Variants in PCDH15 observed in about 807,000 individuals in gnomAD.
PCDH15 encodes the protein protocadherin-15.
A neutral mutation model predicts 178.5 loss-of-function variants in PCDH15; 129 were observed. The ratio of observed to expected loss-of-function variants is 0.72; its 90% confidence interval spans 0.63 to 0.84. The LOEUF is 0.84. Ranked by LOEUF, PCDH15 falls within the 40% of genes least tolerant of loss-of-function variation. PCDH15 has a pLI of 0.00. For synonymous variants in PCDH15, 800 were observed against 732.0 expected, an observed-to-expected ratio of 1.09 and a Z score of -1.50; for missense variants, 2,230 against 2,099.9, an observed-to-expected ratio of 1.06 and a Z score of -1.21.
At chr10:54,177,289 G>A (rs2047530912) in intron 13 of PCDH15, among the ~76,000 whole-genome samples, 1 of 152,050 alleles carries the variant, frequency 6.6e-6, no homozygotes, top group South Asian at 2.1e-4. Context: ...CAAGGGGGAG[G>A]GAAGCATAGG....
At chr10:55,580,212 T>A (rs574469481) in intron 2 of PCDH15, among the ~76,000 whole-genome samples, 1 of 152,300 alleles carries the variant, frequency 6.6e-6, no homozygotes, top group South Asian at 2.1e-4. Flanking sequence ...CATTTTGTTA[T>A]ATACTTCATT....
At chr10:53,845,162 C>G (rs1440402226) in intron 28 of PCDH15, among the ~76,000 whole-genome samples, 1 of 151,710 alleles carries the variant, frequency 6.6e-6, no homozygotes, top group Non-Finnish European at 1.5e-5. Context: ...ATCAAAATCA[C>G]AATGAAATAT....
intron 14 of PCDH15, among the ~76,000 whole-genome samples, chr10:54,145,110 G>T (rs1208616332): frequency 1.3e-5 from 2 of 152,058 alleles, no homozygotes; most frequent in East Asian, 3.9e-4. Context: ...AACACTTATT[G>T]TAAGAATAAC....
chr10:54,587,146 A>G (rs944592621), intron 2 of PCDH15, among the ~76,000 whole-genome samples: 1 of 152,212 alleles, frequency 6.6e-6, no homozygotes, highest in African/African-American at 2.4e-5. Context: ...ATCAGTGACC[A>G]TTGGCATCAT....
intron 3 of PCDH15, among the ~76,000 whole-genome samples, chr10:54,523,151 T>A (rs1384025845): frequency 6.6e-6 from 1 of 152,190 alleles, no homozygotes; most frequent in Non-Finnish European, 1.5e-5. Context: ...CAAGGATTAC[T>A]GTATGACAAA....
chr10:55,527,495 A>T (rs1437284894), intron 2 of PCDH15, among the ~76,000 whole-genome samples: 1 of 152,048 alleles, frequency 6.6e-6, no homozygotes, highest in Admixed American at 6.6e-5. Context: ...GGATGACTTC[A>T]TCTTAAGGAA....
chr10:55,177,554 G>A (rs1295051560), intron 1 of PCDH15, among the ~76,000 whole-genome samples: 2 of 152,146 alleles, frequency 1.3e-5, no homozygotes, highest in East Asian at 3.9e-4. Context: ...CTTTGCTGGT[G>A]CCAGAGGCTA....
intron 21 of PCDH15, among the ~76,000 whole-genome samples, chr10:53,964,804 CTT>C (rs2088816979): frequency 6.6e-6 from 1 of 152,002 alleles, no homozygotes; most frequent in African/African-American, 2.4e-5. Context: ...CAGAATCAGA[CTT>C]ATTATAATCA....
At chr10:55,220,249 A>C (rs886421812) in intron 1 of PCDH15, among the ~76,000 whole-genome samples, 1 of 151,984 alleles carries the variant, frequency 6.6e-6, no homozygotes, top group Non-Finnish European at 1.5e-5. Flanking sequence ...ATCTGAACCA[A>C]ACGAGATAAC....
intron 2 of PCDH15, among the ~76,000 whole-genome samples, chr10:55,070,571 G>C (rs1052066505): frequency 7.7e-4 from 117 of 152,180 alleles, no homozygotes; most frequent in African/African-American, 2.3e-3. Context: ...TCAGGTTTGT[G>C]AAAGATCAGA....
chr10:55,236,686 G>A (rs910361839), intron 1 of PCDH15, among the ~76,000 whole-genome samples: 9 of 151,866 alleles, frequency 5.9e-5, no homozygotes, highest in African/African-American at 9.7e-5. Flanking sequence ...AAAAGTTGGC[G>A]TTTTCCTATT....
chr10:55,547,246 A>G (rs945780403), intron 2 of PCDH15, among the ~76,000 whole-genome samples: 24 of 152,182 alleles, frequency 1.6e-4, no homozygotes, highest in Non-Finnish European at 3.1e-4. Flanking sequence ...CATGGTTATT[A>G]CAGATATCAA....
chr10:55,220,087 C>A (rs2132182512), intron 1 of PCDH15, among the ~76,000 whole-genome samples: 1 of 152,034 alleles, frequency 6.6e-6, no homozygotes, highest in East Asian at 1.9e-4. Flanking sequence ...GCTAATTACC[C>A]TAAAACATTC....
chr10:53,921,327 T>C (rs1403546094), intron 25 of PCDH15, among the ~76,000 whole-genome samples: 1 of 152,056 alleles, frequency 6.6e-6, no homozygotes, highest in African/African-American at 2.4e-5. Flanking sequence ...TCAAGTAATA[T>C]GCCACCCCTC....
chr10:55,152,116 G>A (rs896927528), intron 2 of PCDH15, among the ~76,000 whole-genome samples: 4 of 152,100 alleles, frequency 2.6e-5, no homozygotes, highest in Non-Finnish European at 4.4e-5. Context: ...AATATAGATC[G>A]CTTTTCTGAA....
In PCDH15 at chr10:53,805,081, T is replaced by G. The variant is rs539162063; in HGVS notation, c.*1498A>C. 3.9e-4 allele frequency: 60 copies of G among 152,164 alleles called. No individual in the cohort carries two copies. Among genetic ancestry groups the G allele is most frequent in the African/African-American group, 1.4e-3 (59 of 41,548 alleles). The allele number at this position is 152,164 out of a possible 1,614,324, so 9.4% of individuals were successfully genotyped here. A position where few individuals can be genotyped will look rare whatever the true frequency, so the allele number is the denominator to read the frequency against. Reference sequence around the variant, plus strand: ...TACTACTCTTACAAGTCGGCAAGTTTATGTCAGTACAATTCATTCACTTTG... The same window carrying G: ...TACTACTCTTACAAGTCGGCAAGTTGATGTCAGTACAATTCATTCACTTTG... On this transcript the variant is annotated 3_prime_UTR_variant, in exon 38 of 38. Coordinates refer to ENST00000644397, the MANE Select transcript of PCDH15 (RefSeq NM_001384140.1).
At chr10:55,025,172 T>C (rs143852689) in intron 2 of PCDH15, among the ~76,000 whole-genome samples, 9 of 152,296 alleles carry the variant, frequency 5.9e-5, no homozygotes, top group Non-Finnish European at 1.2e-4. Context: ...TGTGACTGTA[T>C]ATGTGTGTTG....
In PCDH15 at chr10:55,618,121, T is replaced by C. The variant is rs1843515077; in HGVS notation, c.-156+9504A>G. Among the ~76,000 whole-genome samples the C allele has an allele frequency of 1.3e-5, 2 of 152,036 alleles. 1 individual carries two copies. Among genetic ancestry groups the C allele is most frequent in the South Asian group, 4.1e-4 (2 of 4,822 alleles). On this transcript the variant is annotated intron_variant, in intron 2 of 5. Coordinates refer to the PCDH15 transcript ENST00000613346. ...AATACAATTCTAGAAGAATCCAGGA[T>C]TTTTTTTCTATTGCATTGCTGTTTA...
chr10:55,457,778 C>A (rs1329171975), intron 2 of PCDH15, among the ~76,000 whole-genome samples: 1 of 147,184 alleles, frequency 6.8e-6, no homozygotes, highest in Non-Finnish European at 1.5e-5. Context: ...CAGGTTAAAC[C>A]AATAATCCTC....
Sources: allele counts gnomAD v4.1 joint callset (sites outside exome capture counted in the v4.1 genomes callset), GRCh38; gene constraint gnomAD v4.1.1; transcripts MANE v1.5; gene names NCBI Gene and HGNC (gene_info 2026-07-23, HGNC 2026-07-21).